HDAC5: variants seen among roughly 807,000 people sequenced by gnomAD.
HDAC5 encodes antigen NY-CO-9.
In HDAC5, 25 loss-of-function variants were observed where a neutral mutation model predicts 133.3. The observed-to-expected ratio is 0.19, with a 90% CI of 0.14 to 0.26. The LOEUF (loss-of-function observed/expected upper bound fraction) is 0.26, where lower values mean the gene tolerates loss of function less well. HDAC5 is among the 10% of genes least tolerant of loss of function. HDAC5 has a pLI of 1.00. For synonymous variants in HDAC5, 589 were observed against 610.8 expected, an observed-to-expected ratio of 0.96 and a Z score of 0.53; for missense variants, 1,041 against 1,460.5, an observed-to-expected ratio of 0.71 and a Z score of 4.68.
At chr17:44,088,882 A>G (rs945202477) in intron 11 of HDAC5, among the ~76,000 whole-genome samples, 1 of 152,084 alleles carries the variant, frequency 6.6e-6, no homozygotes, top group African/African-American at 2.4e-5. Context: ...CTGAGTATAC[A>G]TTTAGTCTTG....
chr17:44,116,144 C>T (rs879348705), intron 2 of HDAC5: 1 of 152,296 alleles, frequency 6.6e-6, no homozygotes, highest in Non-Finnish European at 1.5e-5. Flanking sequence ...AGACCCCAGC[C>T]CCATGGGAAG....
Position 44,087,422 on chromosome 17 carries a change from C to A in HDAC5, c.1874G>T (p.Gly625Val), listed in dbSNP as rs908896078. ...EGPDLEEPGA[G>V]YKKLFSDAQP... is the part of the protein sequence containing the mutation. ...AGGGACGGGGCTCACTTTTTTGTAT[C>A]CAGCACCAGGCTCCTCCAAGTCGGG... is the stretch of plus-strand genomic sequence containing the variant. The change falls in exon 13 of 27, where the codon GGA becomes GTA. Residue 625 changes from glycine to valine, a missense_variant. Physicochemically the swap from Gly to Val is moderately radical, Grantham distance 109. Around this residue, in one of 9 missense-constraint regions of HDAC5, gnomAD observed 433 missense variants for 531.6 expected, o/e 0.81. Coordinates refer to ENST00000682912, the MANE Select transcript of HDAC5 (RefSeq NM_005474.5). The A allele has an allele frequency of 6.6e-6, 7 of 1,055,424 alleles. No individual in the cohort carries two copies. Among genetic ancestry groups the A allele is most frequent in the Non-Finnish European group, 1.0e-5 (7 of 672,762 alleles). 65.4% of individuals were successfully genotyped at this position (1,055,424 alleles called of 1,614,324 possible). A position where few individuals can be genotyped will look rare whatever the true frequency, so the allele number is the denominator to read the frequency against.
At chr17:44,082,345 A>G (rs1184185420) in intron 20 of HDAC5, 1 of 553,308 alleles carries the variant, frequency 1.8e-6, no homozygotes, top group Non-Finnish European at 3.2e-6. Context: ...CTGCAACGTG[A>G]GGGCCAAGAT....
chr17:44,109,391 C>A (rs2052196791), intron 3 of HDAC5, among the ~76,000 whole-genome samples: 1 of 152,154 alleles, frequency 6.6e-6, no homozygotes, highest in South Asian at 2.1e-4. Context: ...CAGGCATACG[C>A]CCCTACCTCA....
chr17:44,081,856 C>T (rs978702572), intron 20 of HDAC5: 2 of 152,246 alleles, frequency 1.3e-5, no homozygotes, highest in Admixed American at 6.5e-5. Flanking sequence ...GCTGGGATTA[C>T]AGGCTTTGAG....
Position 44,078,430 on chromosome 17 carries a change from C to T in HDAC5, c.3330-15G>A, listed in dbSNP as rs1257186080. On this transcript the variant is annotated splice_polypyrimidine_tract_variant and intron_variant, in intron 26 of 26. Transcript: ENST00000682912. Reference sequence around the variant, plus strand: ...CCTCTGCCGGCCTGTGGGGCAAGCACAGGGGAGGGTATTGAGTGGGGCGCA... The same window carrying T: ...CCTCTGCCGGCCTGTGGGGCAAGCATAGGGGAGGGTATTGAGTGGGGCGCA... The T allele has an allele frequency of 2.6e-6, 4 of 1,547,346 alleles. No individual in the cohort carries two copies. Among genetic ancestry groups the T allele is most frequent in the Non-Finnish European group, 3.5e-6 (4 of 1,144,330 alleles).
intron 6 of HDAC5, 22 bp from the exon 7 acceptor site, chr17:44,092,828 G>GGGGGGGGGGGGGC: frequency 1.0e-5 from 6 of 596,624 alleles, no homozygotes; most frequent in Admixed American, 3.0e-5. Flanking sequence ...GGGGGGTGGG[G>GGGGGGGGGGGGGC]ATGGAAGCAG....
chr17:44,092,785 CAAAGAAGCATGGT>C lies in HDAC5; in HGVS notation c.650_662del (p.His217ArgfsTer43). On this transcript the variant is annotated frameshift_variant, in exon 7 of 27. Transcript: ENST00000682912. LOFTEE classifies it high-confidence loss of function. The stretch of plus-strand genomic sequence containing the variant: ...CGCTCTGGGGAGGGGAACTCTGGTC[CAAAGAAGCATGGT>C]GGGCTCCCCTGGGGTGGGGGGGGGG... The C allele has an allele frequency of 3.7e-6, 4 of 1,076,958 alleles. No homozygotes were observed. The highest frequency in any genetic ancestry group is 5.0e-6 in the Non-Finnish European group (4 of 801,786). 66.7% of individuals were successfully genotyped at this position (1,076,958 alleles called of 1,614,324 possible). A position where few individuals can be genotyped will look rare whatever the true frequency, so the allele number is the denominator to read the frequency against.
chr17:44,114,436 G>A (rs907018298), intron 2 of HDAC5, among the ~76,000 whole-genome samples: 6 of 145,274 alleles, frequency 4.1e-5, no homozygotes, highest in Non-Finnish European at 9.1e-5. Flanking sequence ...GAGAGCAGGC[G>A]TGGGGGGGGG....
At position 44,095,277 on chromosome 17, in the gene HDAC5, T is replaced by C. The variant is rs944806741; in HGVS notation, c.95-1443A>G. Among the ~76,000 whole-genome samples, 12 of 152,196 alleles carry C rather than the reference T, an allele frequency of 7.9e-5. 2 individuals carry two copies. Among genetic ancestry groups the C allele is most frequent in the Admixed American group, 7.9e-4 (12 of 15,270 alleles). ...GCTAGGTGATCCAATAACTAGAATA[T>C]GAGTCCAAATCCTAAGCTTTTAACC... On this transcript the variant is annotated intron_variant, in intron 3 of 26. Coordinates refer to ENST00000682912, the MANE Select transcript of HDAC5 (RefSeq NM_005474.5).
chr17:44,119,378 C>A (rs2052844828), intron 1 of HDAC5, among the ~76,000 whole-genome samples: 1 of 152,238 alleles, frequency 6.6e-6, no homozygotes, highest in Admixed American at 6.5e-5. Context: ...GGCACCTCCA[C>A]AGCAAGGTGC....
intron 2 of HDAC5, chr17:44,111,356 C>T (rs1276096452): frequency 3.1e-6 from 1 of 321,004 alleles, no homozygotes; most frequent in Non-Finnish European, 6.2e-6. Context: ...GGGGGGGAGG[C>T]GGTTCTACCC....
In HDAC5 at chr17:44,076,935, G is replaced by GTT. The variant is rs1293500041; in HGVS notation, c.*1440_*1441insAA. On this transcript the variant is annotated 3_prime_UTR_variant, in exon 27 of 27. Transcript: ENST00000682912. Reference sequence around the variant, plus strand: ...CTGGGGCTCAGCACAGAGAGGCCTAGTACACTGAGCCTGGCCCCATCCCCA... The same window carrying GTT: ...CTGGGGCTCAGCACAGAGAGGCCTAGTTTACACTGAGCCTGGCCCCATCCCCA... The GTT allele has an allele frequency of 6.5e-6, 1 of 154,998 alleles. No individual in the cohort carries two copies. The highest frequency in any genetic ancestry group is 1.4e-5 in the Non-Finnish European group (1 of 69,764). 9.6% of individuals were successfully genotyped at this position (154,998 alleles called of 1,614,324 possible). A position where few individuals can be genotyped will look rare whatever the true frequency, so the allele number is the denominator to read the frequency against.
chr17:44,092,669 C>T lies in HDAC5; in HGVS notation c.772+7G>A, dbSNP rs753997178. 6.6e-7 allele frequency: 1 copy of T among 1,524,234 alleles called. No individual in the cohort carries two copies. The highest frequency in any genetic ancestry group is 8.8e-7 in the Non-Finnish European group (1 of 1,134,370). 94.4% of individuals were successfully genotyped at this position (1,524,234 alleles called of 1,614,324 possible). On this transcript the variant is annotated splice_region_variant and intron_variant, in intron 7 of 26. Transcript: ENST00000682912. ...ATTCTGGGAGGCCAGGTGGGGGACT[C>T]ACTCACCTGTTTTGCGGAGGGGGAA...
chr17:44,079,724 A>T (rs2050301139), intron 23 of HDAC5, among the ~76,000 whole-genome samples: 1 of 152,016 alleles, frequency 6.6e-6, no homozygotes, highest in Non-Finnish European at 1.5e-5. Flanking sequence ...GTGATGGGAG[A>T]TATAAACCCA....
At chr17:44,123,374 G>T (rs955670509) in intron 1 of HDAC5, 130 bp downstream of exon 1, 6 of 339,082 alleles carry the variant, frequency 1.8e-5, no homozygotes, top group African/African-American at 4.3e-5. Context: ...GGGCCGGGAG[G>T]AAGGAAGGGG....
intron 7 of HDAC5, 26 bp from the exon 8 acceptor site, chr17:44,092,553 G>C (rs1314200661): frequency 1.9e-6 from 3 of 1,607,664 alleles, no homozygotes; most frequent in Non-Finnish European, 1.7e-6. Context: ...CCGAGGTTCA[G>C]ATACGCGCAC....
chr17:44,108,410 A>G (rs972233077), intron 3 of HDAC5, among the ~76,000 whole-genome samples: 2 of 152,098 alleles, frequency 1.3e-5, no homozygotes, highest in East Asian at 1.9e-4. Flanking sequence ...GGCAACAACC[A>G]AGACAGCCCA....
Position 44,091,787 on chromosome 17 carries a change from G to C in HDAC5, c.1077C>G (p.Asn359Lys). Residue 359 changes from asparagine to lysine, a missense_variant, in exon 10 of 27, where the codon AAC becomes AAG. Transcript: ENST00000682912. ...HRALPLDSSP[N>K]QFSLYTSPSL... ...AAGGAGACGTGTAGAGGCTGAACTG[G>C]TTGGGGGAGCTGTCCAGAGGGAGGG... is the stretch of plus-strand genomic sequence containing the variant. 6.2e-7 allele frequency: 1 copy of C among 1,600,868 alleles called. No homozygotes were observed. The highest frequency in any genetic ancestry group is 8.5e-7 in the Non-Finnish European group (1 of 1,173,736).
Sources: allele counts gnomAD v4.1 joint callset (sites outside exome capture counted in the v4.1 genomes callset), GRCh38; gene constraint gnomAD v4.1.1; regional missense constraint gnomAD v4.1.1; transcripts MANE v1.5; gene names NCBI Gene and HGNC (gene_info 2026-07-23, HGNC 2026-07-21).